The following STK38 variants were observed in gnomAD, a reference collection of about 807,000 sequenced individuals.
STK38 encodes the protein serine/threonine-protein kinase 38.
In STK38, 26 loss-of-function variants were observed where a neutral mutation model predicts 59.0. That is an observed-to-expected ratio of 0.44 (90% CI 0.32 to 0.61). The LOEUF is 0.61. Ranked by LOEUF, STK38 falls within the 20% of genes least tolerant of loss-of-function variation. The pLI is 0.04. For synonymous variants in STK38, 175 were observed against 176.6 expected (o/e 0.99, Z 0.07); for missense variants, 433 against 566.0 (o/e 0.76, Z 2.38).
At chr6:36,519,644 T>C (rs1199443806) in intron 5 of STK38, among the ~76,000 whole-genome samples, 2 of 151,986 alleles carry the variant, frequency 1.3e-5, no homozygotes, top group Non-Finnish European at 2.9e-5. Flanking sequence ...TGAATATAGA[T>C]TAAGGGAGGG....
intron 6 of STK38, 63 bp from the exon 7 acceptor site, chr6:36,515,555 CAA>C: frequency 2.6e-6 from 4 of 1,515,620 alleles, no homozygotes; most frequent in South Asian, 1.2e-5. Context: ...CACACACACA[CAA>C]CATACGAGTG....
chr6:36,503,908 C>G (rs1776900047), intron 9 of STK38, among the ~76,000 whole-genome samples: 1 of 152,144 alleles, frequency 6.6e-6, no homozygotes, highest in Non-Finnish European at 1.5e-5. Flanking sequence ...CTAAGGACTG[C>G]CCCCTTCCCA....
chr6:36,518,995 G>A (rs1005387630), intron 5 of STK38, among the ~76,000 whole-genome samples: 3 of 152,162 alleles, frequency 2.0e-5, no homozygotes, highest in African/African-American at 7.2e-5. Context: ...TCTTTAGGGA[G>A]ACAAGGCACT....
Position 36,495,729 on chromosome 6 carries a change from A to C in STK38, c.*55T>G. The C allele has an allele frequency of 6.2e-7, 1 of 1,607,700 alleles. No homozygotes were observed. The highest frequency in any genetic ancestry group is 8.5e-7 in the Non-Finnish European group (1 of 1,175,720). On this transcript the variant is annotated 3_prime_UTR_variant, in exon 14 of 14. Coordinates refer to ENST00000229812, the MANE Select transcript of STK38 (RefSeq NM_007271.4). Reference sequence around the variant, plus strand: ...AAGCTCTTCAAGAGTGTGAGAGGAAAAGCATGATGTTATACAAAGAACTCT... The same window carrying C: ...AAGCTCTTCAAGAGTGTGAGAGGAACAGCATGATGTTATACAAAGAACTCT...
rs972369091 is a variant in STK38 at position 36,500,094 on chromosome 6, A to G, written c.835-104T>C. Reference sequence around the variant, plus strand: ...TGAGTAACATCAGAAGCTACCCCCAAGCTAAATAAGCAGGACTGCCCAGTA... The same window carrying G: ...TGAGTAACATCAGAAGCTACCCCCAGGCTAAATAAGCAGGACTGCCCAGTA... On this transcript the variant is annotated intron_variant, in intron 9 of 13. Coordinates refer to ENST00000229812, the MANE Select transcript of STK38 (RefSeq NM_007271.4). 4 of 841,160 alleles carry G rather than the reference A, an allele frequency of 4.8e-6. No individual in the cohort carries two copies. In the Admixed American group the frequency reaches 7.2e-5, roughly 15 times the overall value. The allele number at this position is 841,160 out of a possible 1,614,324, so 52.1% of individuals were successfully genotyped here. A position where few individuals can be genotyped will look rare whatever the true frequency, so the allele number is the denominator to read the frequency against.
chr6:36,515,592 C>T (rs1465154454), intron 6 of STK38, 100 bp from the exon 7 acceptor site: 6 of 1,567,868 alleles, frequency 3.8e-6, no homozygotes, highest in Non-Finnish European at 8.6e-7. Context: ...GATATGTCTT[C>T]CCTATCTGCC....
In STK38 at chr6:36,540,192, G is replaced by A; in HGVS notation, c.11C>T (p.Thr4Ile). Reference protein sequence around the residue: MAMTGSTPCSSMSN... With the variant: MAMIGSTPCSSMSN... The stretch of plus-strand genomic sequence containing the variant: ...CATGGATGAGCAAGGTGTTGAGCCT[G>A]TCATTGCCATGGCTGCTAGAAACAA... Residue 4 changes from threonine (T) to isoleucine (I), a missense_variant, in exon 2 of 14, where the codon ACA becomes ATA. Transcript: ENST00000229812. The A allele has an allele frequency of 6.2e-7, 1 of 1,613,898 alleles. No individual in the cohort carries two copies. Among genetic ancestry groups the A allele is most frequent in the South Asian group, 1.1e-5 (1 of 91,042 alleles).
intron 2 of STK38, among the ~76,000 whole-genome samples, chr6:36,538,261 G>C (rs947738918): frequency 6.6e-6 from 1 of 151,474 alleles, no homozygotes. Flanking sequence ...CCGAGATCAC[G>C]CCACTGCACT....
chr6:36,517,050 T>G (rs1348524719), intron 6 of STK38, among the ~76,000 whole-genome samples: 2 of 152,216 alleles, frequency 1.3e-5, no homozygotes, highest in Non-Finnish European at 2.9e-5. Context: ...AATCTAAGGG[T>G]TGTCACAAAA....
In STK38 at chr6:36,507,622, TGATA is replaced by T. The variant is rs774984511; in HGVS notation, c.670-24_670-21del. 7.0e-6 allele frequency: 11 copies of T among 1,571,716 alleles called. No homozygotes were observed. The African/African-American group carries it at 9.4e-5, about 13-fold the overall frequency. The stretch of plus-strand genomic sequence containing the variant: ...ATGGCCCTATGGGGAAGAAACAAGG[TGATA>T]GATGGATGAGTATTCTTGGAGGTAG... On this transcript the variant is annotated intron_variant, in intron 7 of 13. Coordinates refer to ENST00000229812, the MANE Select transcript of STK38 (RefSeq NM_007271.4).
At chr6:36,527,396 T>A (rs1306492580) in intron 2 of STK38, among the ~76,000 whole-genome samples, 1 of 149,750 alleles carries the variant, frequency 6.7e-6, no homozygotes, top group Non-Finnish European at 1.5e-5. Flanking sequence ...TATATGTATA[T>A]AAAAATTAGC....
intron 6 of STK38, among the ~76,000 whole-genome samples, chr6:36,517,378 G>A (rs1465925530): frequency 6.6e-6 from 1 of 152,174 alleles, no homozygotes; most frequent in Non-Finnish European, 1.5e-5. Flanking sequence ...TAGCTTCAAT[G>A]TTGTCACTTG....
intron 7 of STK38, among the ~76,000 whole-genome samples, chr6:36,515,040 T>C (rs928321506): frequency 1.3e-5 from 2 of 152,002 alleles, no homozygotes; most frequent in African/African-American, 2.4e-5. Flanking sequence ...CACAGTTAAT[T>C]ATATGCTAAG....
intron 2 of STK38, among the ~76,000 whole-genome samples, chr6:36,533,718 A>G (rs1256716487): frequency 2.0e-5 from 3 of 152,250 alleles, no homozygotes; most frequent in Non-Finnish European, 4.4e-5. Flanking sequence ...CCAGAGGACT[A>G]CTACTAAACA....
rs1182255761 is a variant in STK38 at position 36,495,271 on chromosome 6, AG to A, written c.*512del. The stretch of plus-strand genomic sequence containing the variant: ...GGTAGAAACTACCATCACCACCCTC[AG>A]GGTGGCGGATCATTTCCTTCAGCCA... On this transcript the variant is annotated 3_prime_UTR_variant, in exon 14 of 14. Coordinates refer to ENST00000229812, the MANE Select transcript of STK38 (RefSeq NM_007271.4). The A allele has an allele frequency of 6.4e-6, 1 of 155,616 alleles. No individual in the cohort carries two copies. Among genetic ancestry groups the A allele is most frequent in the Non-Finnish European group, 1.4e-5 (1 of 70,006 alleles). The allele number at this position is 155,616 out of a possible 1,614,324, so 9.6% of individuals were successfully genotyped here. A position where few individuals can be genotyped will look rare whatever the true frequency, so the allele number is the denominator to read the frequency against.
intron 10 of STK38, 90 bp from the exon 11 acceptor site, chr6:36,498,576 TTTTTTC>T: frequency 2.1e-6 from 3 of 1,405,086 alleles, no homozygotes; most frequent in South Asian, 1.4e-5. Flanking sequence ...CTATGTCTTT[TTTTTTC>T]TTTTTTCTTT....
chr6:36,498,160 G>A (rs1776751476), intron 11 of STK38, among the ~76,000 whole-genome samples: 1 of 151,922 alleles, frequency 6.6e-6, no homozygotes, highest in South Asian at 2.1e-4. Flanking sequence ...TCAAACTCCT[G>A]GGCTCAAGTG....
chr6:36,529,013 G>C (rs1452786871), intron 2 of STK38, among the ~76,000 whole-genome samples: 1 of 150,010 alleles, frequency 6.7e-6, no homozygotes, highest in Non-Finnish European at 1.5e-5. Context: ...AAAGTATCCA[G>C]AAAAAAAAAG....
At chr6:36,525,206 G>T (rs187492014) in intron 3 of STK38, among the ~76,000 whole-genome samples, 1 of 152,148 alleles carries the variant, frequency 6.6e-6, no homozygotes, top group Admixed American at 6.5e-5. Flanking sequence ...AAACCTGCAT[G>T]TTCAGCACAC....
Sources: allele counts gnomAD v4.1 joint callset (sites outside exome capture counted in the v4.1 genomes callset), GRCh38; gene constraint gnomAD v4.1.1; transcripts MANE v1.5; gene names NCBI Gene and HGNC (gene_info 2026-07-23, HGNC 2026-07-21).